BARD1: variants seen among roughly 807,000 people sequenced by gnomAD.
BARD1 encodes BRCA1-associated RING domain protein 1.
In BARD1, 73 loss-of-function variants were observed where a neutral mutation model predicts 77.0. The ratio of observed to expected loss-of-function variants is 0.95; its 90% CI spans 0.79 to 1.15. The LOEUF is 1.15. Ranked by LOEUF, BARD1 falls within the 50% of genes most tolerant of loss-of-function variation. BARD1 has a pLI of 0.00. For missense variants in BARD1, 993 were observed against 938.8 expected, an observed-to-expected ratio of 1.06 and a Z score of -0.75; for synonymous variants, 384 against 338.0, an observed-to-expected ratio of 1.14 and a Z score of -1.49.
At chr2:214,759,510 C>T (rs1693849650) in intron 6 of BARD1, among the ~76,000 whole-genome samples, 1 of 151,822 alleles carries the variant, frequency 6.6e-6, no homozygotes, top group South Asian at 2.1e-4. Flanking sequence ...AACTGACTTT[C>T]TTATTGTTTT....
intron 7 of BARD1, among the ~76,000 whole-genome samples, chr2:214,751,141 ATATATATATATTTTTT>A (rs1559393167): frequency 1.0e-4 from 2 of 19,500 alleles, no homozygotes; most frequent in South Asian, 2.7e-3. Context: ...ATATATATAT[ATATATATATATTTTTT>A]TTTTTTTTTT....
intron 6 of BARD1, among the ~76,000 whole-genome samples, chr2:214,758,162 G>A (rs1049884292): frequency 2.0e-5 from 3 of 152,092 alleles, no homozygotes; most frequent in Non-Finnish European, 4.4e-5. Context: ...GTTAAGAGTT[G>A]GGGTTACCGA....
chr2:214,779,804 T>C (rs1218758224), intron 4 of BARD1, among the ~76,000 whole-genome samples: 1 of 152,228 alleles, frequency 6.6e-6, no homozygotes, highest in African/African-American at 2.4e-5. Flanking sequence ...AATTTAGTAC[T>C]AAGGTCTACC....
At chr2:214,771,060 G>A (rs534634056) in intron 4 of BARD1, among the ~76,000 whole-genome samples, 13 of 152,314 alleles carry the variant, frequency 8.5e-5, no homozygotes, top group African/African-American at 2.4e-4. Context: ...GCTTTAGGAA[G>A]AAGGAGGCAT....
At chr2:214,764,342 G>GT (rs1254022594) in intron 6 of BARD1, among the ~76,000 whole-genome samples, 1 of 152,176 alleles carries the variant, frequency 6.6e-6, no homozygotes, top group Admixed American at 6.5e-5. Context: ...GGAGGAAACA[G>GT]TAAGTCCTAC....
chr2:214,745,102 C>G lies in BARD1; in HGVS notation c.1868G>C (p.Gly623Ala). 6.2e-7 allele frequency: 1 copy of G among 1,613,950 alleles called. No individual in the cohort carries two copies. The highest frequency in any genetic ancestry group is 8.5e-7 in the Non-Finnish European group (1 of 1,179,958). The change falls in exon 9 of 11, where the codon GGG (glycine) becomes GCG (alanine). Residue 623 changes from glycine to alanine, a missense_variant. Physicochemically the swap from Gly to Ala is moderately conservative, Grantham distance 60. Transcript: ENST00000260947. ...AVQSTLKCML[G>A]ILNGCWILKF... The stretch of plus-strand genomic sequence containing the variant: ...TAGAATCCAGCATCCATTGAGAATC[C>G]CAAGCATACACTTCAAGGTACTTTG...
At chr2:214,788,208 C>A (rs559468479) in intron 3 of BARD1, among the ~76,000 whole-genome samples, 1 of 151,480 alleles carries the variant, frequency 6.6e-6, no homozygotes, top group South Asian at 2.1e-4. Flanking sequence ...ATGTCACCAA[C>A]ACCGACATGT....
In BARD1 at chr2:214,781,082, G is replaced by A. The variant is rs1276619198; in HGVS notation, c.792C>T (p.Gly264=). The change falls in exon 4 of 11, where the codon GGC becomes GGT. Residue 264 remains glycine (G), a synonymous_variant. Coordinates refer to ENST00000260947, the MANE Select transcript of BARD1 (RefSeq NM_000465.4). ...INGEIDLLAS[G]SLTESECFGS... is the part of the protein sequence containing the mutation. Reference sequence around the variant, plus strand: ...CAAAACATTCAGATTCTGTCAAGGAGCCACTTGCTAGTAAGTCTATTTCAC... The same window carrying A: ...CAAAACATTCAGATTCTGTCAAGGAACCACTTGCTAGTAAGTCTATTTCAC... The A allele has an allele frequency of 6.3e-7, 1 of 1,594,484 alleles. No homozygotes were observed.
intron 9 of BARD1, among the ~76,000 whole-genome samples, chr2:214,743,242 C>T (rs967836878): frequency 1.1e-4 from 16 of 152,180 alleles, no homozygotes; most frequent in African/African-American, 3.9e-4. Context: ...TTTTACAAAC[C>T]AAATCAACTT....
intron 9 of BARD1, among the ~76,000 whole-genome samples, chr2:214,743,970 C>T (rs1463292851): frequency 1.3e-5 from 2 of 152,152 alleles, no homozygotes; most frequent in Non-Finnish European, 1.5e-5. Context: ...TCCCCACATT[C>T]CTCCTCTGTA....
chr2:214,765,144 G>A (rs1694138421), intron 6 of BARD1, among the ~76,000 whole-genome samples: 2 of 152,146 alleles, frequency 1.3e-5, no homozygotes, highest in South Asian at 4.1e-4. Flanking sequence ...CAATAGTAAA[G>A]GTGACTAGTG....
chr2:214,748,319 T>C (rs954641202), intron 7 of BARD1, among the ~76,000 whole-genome samples: 1 of 152,070 alleles, frequency 6.6e-6, no homozygotes, highest in African/African-American at 2.4e-5. Flanking sequence ...GGCTGGGGAT[T>C]TGACTTGAAT....
intron 9 of BARD1, among the ~76,000 whole-genome samples, chr2:214,738,893 C>T (rs932773527): frequency 1.3e-5 from 2 of 152,086 alleles, no homozygotes; most frequent in African/African-American, 2.4e-5. Flanking sequence ...ACTTGTAATG[C>T]TAGCACTCTG....
intron 1 of BARD1, among the ~76,000 whole-genome samples, chr2:214,806,985 A>C (rs972492546): frequency 1.3e-5 from 2 of 152,128 alleles, no homozygotes; most frequent in African/African-American, 4.8e-5. Context: ...TTTAGCAACT[A>C]TTGCCTGTGG....
Position 214,727,494 on chromosome 2 carries a change from AT to A in BARD1, c.*1181del, listed in dbSNP as rs1292626847. Reference sequence around the variant, plus strand: ...TTAAAGAATTCTGCTTCTTAAAAAAATGTTTCAAAATAATCTAATGTATCCT... The same window carrying A: ...TTAAAGAATTCTGCTTCTTAAAAAAAGTTTCAAAATAATCTAATGTATCCT... On this transcript the variant is annotated 3_prime_UTR_variant, in exon 11 of 11. Coordinates refer to ENST00000260947, the MANE Select transcript of BARD1 (RefSeq NM_000465.4). 8.6e-6 allele frequency: 2 copies of A among 231,866 alleles called. No individual in the cohort carries two copies. Among genetic ancestry groups the A allele is most frequent in the Non-Finnish European group, 1.7e-5 (2 of 117,240 alleles). 14.4% of individuals were successfully genotyped at this position (231,866 alleles called of 1,614,324 possible).
intron 1 of BARD1, 113 bp downstream of exon 1, chr2:214,809,299 G>T: frequency 2.0e-6 from 3 of 1,481,340 alleles, no homozygotes; most frequent in South Asian, 1.2e-5. Flanking sequence ...ACGCCGACCC[G>T]ACTGCAGCGC....
intron 3 of BARD1, among the ~76,000 whole-genome samples, chr2:214,791,466 A>G (rs1219602444): frequency 1.3e-5 from 2 of 152,232 alleles, no homozygotes; most frequent in Non-Finnish European, 2.9e-5. Flanking sequence ...AACACACACT[A>G]AAATAGCATG....
intron 9 of BARD1, among the ~76,000 whole-genome samples, chr2:214,735,812 G>C (rs1334493794): frequency 6.6e-6 from 1 of 152,072 alleles, no homozygotes; most frequent in African/African-American, 2.4e-5. Flanking sequence ...ACTAACAACT[G>C]AATACTCCAT....
chr2:214,801,855 G>C (rs977028637), intron 1 of BARD1, among the ~76,000 whole-genome samples: 3 of 149,262 alleles, frequency 2.0e-5, no homozygotes, highest in African/African-American at 7.3e-5. Context: ...TTGGCGGGGG[G>C]GGGGGTTGTT....
Sources: allele counts gnomAD v4.1 joint callset (sites outside exome capture counted in the v4.1 genomes callset), GRCh38; gene constraint gnomAD v4.1.1; transcripts MANE v1.5; gene names NCBI Gene and HGNC (gene_info 2026-07-23, HGNC 2026-07-21).